The following TVP23C variants were observed in gnomAD, a reference collection of about 807,000 sequenced individuals.
The protein encoded by TVP23C is trans-golgi network vesicle protein 23 homolog C.
TVP23C carries 19 observed loss-of-function variants against 28.7 expected under a neutral mutation model. The ratio of observed to expected loss-of-function variants is 0.66; its 90% CI spans 0.46 to 0.97. The LOEUF (loss-of-function observed/expected upper bound fraction) is 0.97, where lower values mean the gene tolerates loss of function less well. TVP23C is among the 50% of genes least tolerant of loss of function. The pLI is 0.00. For missense variants in TVP23C, 186 were observed against 241.3 expected (o/e 0.77, Z 1.52); for synonymous variants, 68 against 81.7 (o/e 0.83, Z 0.90).
intron 1 of TVP23C, among the ~76,000 whole-genome samples, chr17:15,557,290 GT>G (rs761887271): frequency 7.7e-4 from 96 of 123,894 alleles, no homozygotes; most frequent in African/African-American, 1.4e-3. Flanking sequence ...AGAAGACAAG[GT>G]TTTTTTTTTT....
intron 5 of TVP23C, among the ~76,000 whole-genome samples, chr17:15,512,139 T>C (rs1308711731): frequency 1.3e-5 from 2 of 152,164 alleles, no homozygotes; most frequent in African/African-American, 4.8e-5. Context: ...GAACCACTGA[T>C]TTACATGGTT....
Position 15,538,693 on chromosome 17 carries a change from C to T in TVP23C, c.*1719G>A, listed in dbSNP as rs531315847. On this transcript the variant is annotated 3_prime_UTR_variant, in exon 6 of 6. Coordinates refer to ENST00000518321, the MANE Select transcript of TVP23C (RefSeq NM_001135036.2). ...CAGTTTGTCTCATTTGAGCAGACGC[C>T]GGATACCATGTAAGACACTAACCCT... The T allele has an allele frequency of 2.3e-4, 227 of 985,372 alleles. No individual in the cohort carries two copies. The South Asian group carries it at 3.0e-3, about 13-fold the overall frequency. The allele number at this position is 985,372 out of a possible 1,614,324, so 61.0% of individuals were successfully genotyped here. A position where few individuals can be genotyped will look rare whatever the true frequency, so the allele number is the denominator to read the frequency against.
chr17:15,538,868 A>C lies in TVP23C; in HGVS notation c.*1544T>G, dbSNP rs981722371. ...GTGGACCACAGTAAAGGTATATTGG[A>C]GCCATGCAAAAATCCTTCAGAATGA... On this transcript the variant is annotated 3_prime_UTR_variant, in exon 6 of 6. Coordinates refer to ENST00000518321, the MANE Select transcript of TVP23C (RefSeq NM_001135036.2). 1.0e-6 allele frequency: 1 copy of C among 985,780 alleles called. No individual in the cohort carries two copies. The highest frequency in any genetic ancestry group is 1.7e-5 in the African/African-American group (1 of 57,252). The allele number at this position is 985,780 out of a possible 1,614,324, so 61.1% of individuals were successfully genotyped here. A position where few individuals can be genotyped will look rare whatever the true frequency, so the allele number is the denominator to read the frequency against.
intron 5 of TVP23C, among the ~76,000 whole-genome samples, chr17:15,515,770 G>C (rs1032884842): frequency 6.6e-6 from 1 of 152,060 alleles, no homozygotes; most frequent in Non-Finnish European, 1.5e-5. Flanking sequence ...TTGCAGACCC[G>C]AGCAAGATGA....
chr17:15,547,212 C>T, intron 3 of TVP23C, 64 bp from the exon 4 acceptor site: 1 of 1,610,838 alleles, frequency 6.2e-7, no homozygotes, highest in South Asian at 1.1e-5. Flanking sequence ...GTCACAAGCT[C>T]CTATCTTAGT....
chr17:15,537,638 A>T lies in TVP23C; in HGVS notation c.*2774T>A. On this transcript the variant is annotated 3_prime_UTR_variant, in exon 6 of 6. Transcript: ENST00000518321. Reference sequence around the variant, plus strand: ...CCCATGAAGTACATATTAAAAACTAACAATTATTTCTAACTTATACATAAG... The same window carrying T: ...CCCATGAAGTACATATTAAAAACTATCAATTATTTCTAACTTATACATAAG... The T allele has an allele frequency of 1.0e-6, 1 of 985,544 alleles. No individual in the cohort carries two copies. Among genetic ancestry groups the T allele is most frequent in the Non-Finnish European group, 1.2e-6 (1 of 829,928 alleles). 61.0% of individuals were successfully genotyped at this position (985,544 alleles called of 1,614,324 possible). A position where few individuals can be genotyped will look rare whatever the true frequency, so the allele number is the denominator to read the frequency against.
At chr17:15,549,693 A>AAT (rs1983804761) in intron 3 of TVP23C, among the ~76,000 whole-genome samples, 1 of 151,986 alleles carries the variant, frequency 6.6e-6, no homozygotes, top group African/African-American at 2.4e-5. Flanking sequence ...AAAAAAAAAA[A>AAT]GATTTGAGAT....
intron 5 of TVP23C, among the ~76,000 whole-genome samples, chr17:15,517,836 T>C (rs1030357310): frequency 6.6e-6 from 1 of 152,142 alleles, no homozygotes; most frequent in Non-Finnish European, 1.5e-5. Context: ...GCCCATTCTC[T>C]TCCCACTGCA....
intron 5 of TVP23C, among the ~76,000 whole-genome samples, chr17:15,510,687 T>C (rs1298341718): frequency 2.0e-5 from 3 of 152,330 alleles, no homozygotes; most frequent in Non-Finnish European, 4.4e-5. Flanking sequence ...TCTAGCAACA[T>C]GTCAGTGCTT....
chr17:15,539,150 C>T lies in TVP23C; in HGVS notation c.*1262G>A, dbSNP rs1485509191. On this transcript the variant is annotated 3_prime_UTR_variant, in exon 6 of 6. Transcript: ENST00000518321. ...CTTGGGAGAAATGCAAATTATGAGACTCCACCCCCAGATCTACTGAATAAG... is the reference window on the plus strand; with the variant it reads ...CTTGGGAGAAATGCAAATTATGAGATTCCACCCCCAGATCTACTGAATAAG... The T allele has an allele frequency of 1.5e-5, 14 of 948,132 alleles. No homozygotes were observed. Among genetic ancestry groups the T allele is most frequent in the Non-Finnish European group, 1.8e-5 (14 of 796,248 alleles). The allele number at this position is 948,132 out of a possible 1,614,324, so 58.7% of individuals were successfully genotyped here. A position where few individuals can be genotyped will look rare whatever the true frequency, so the allele number is the denominator to read the frequency against.
chr17:15,503,352 C>T (rs1981575365), intron 5 of TVP23C: 1 of 1,241,206 alleles, frequency 8.1e-7, no homozygotes, highest in South Asian at 1.6e-5. Context: ...CTGCAATGAG[C>T]TGTGACCACG....
At chr17:15,545,480 T>A (rs1219499284) in intron 5 of TVP23C, among the ~76,000 whole-genome samples, 1 of 152,296 alleles carries the variant, frequency 6.6e-6, no homozygotes, top group African/African-American at 2.4e-5. Flanking sequence ...CTGTTGTTGC[T>A]CTAAGCCACT....
chr17:15,555,912 G>A (rs1280014846), intron 1 of TVP23C, among the ~76,000 whole-genome samples: 3 of 151,924 alleles, frequency 2.0e-5, no homozygotes, highest in African/African-American at 2.4e-5. Context: ...TCTATCTATT[G>A]GATCTTTCTT....
chr17:15,515,352 C>A (rs1225006460), intron 5 of TVP23C, among the ~76,000 whole-genome samples: 1 of 152,132 alleles, frequency 6.6e-6, no homozygotes, highest in East Asian at 1.9e-4. Flanking sequence ...GTGTAGGAAT[C>A]CTCATGTAAG....
intron 1 of TVP23C, among the ~76,000 whole-genome samples, chr17:15,556,781 T>C (rs1048342762): frequency 2.0e-5 from 3 of 152,092 alleles, no homozygotes; most frequent in Non-Finnish European, 4.4e-5. Flanking sequence ...TCCCTCTCTA[T>C]TCCAGCCTCT....
chr17:15,503,882 G>A (rs557694622), intron 5 of TVP23C, among the ~76,000 whole-genome samples: 1 of 152,248 alleles, frequency 6.6e-6, no homozygotes, highest in South Asian at 2.1e-4. Flanking sequence ...GGTTCTAGGA[G>A]GAGTGGGTGT....
At chr17:15,510,356 A>T (rs1981946981) in intron 5 of TVP23C, among the ~76,000 whole-genome samples, 1 of 152,208 alleles carries the variant, frequency 6.6e-6, no homozygotes, top group African/African-American at 2.4e-5. Context: ...TCAACACAAG[A>T]CGTACAAGCG....
rs768658941 is a variant in TVP23C at position 15,553,638 on chromosome 17, C to A, written c.240+47G>T. ...AAAATGCTGTCATATTTTTATACAT[C>A]ATTTTCATATTAAATATAATTTTAA... On this transcript the variant is annotated intron_variant, in intron 3 of 5. Transcript: ENST00000518321. The A allele has an allele frequency of 1.0e-5, 16 of 1,548,830 alleles. No individual in the cohort carries two copies. The South Asian group carries it at 1.5e-4, about 15-fold the overall frequency.
intron 5 of TVP23C, among the ~76,000 whole-genome samples, chr17:15,527,989 T>G (rs879006381): frequency 5.3e-5 from 8 of 152,244 alleles, no homozygotes; most frequent in African/African-American, 1.7e-4. Context: ...TCAGTAAACA[T>G]TAGTGGTATC....
Sources: allele counts gnomAD v4.1 joint callset (sites outside exome capture counted in the v4.1 genomes callset), GRCh38; gene constraint gnomAD v4.1.1; transcripts MANE v1.5; gene names NCBI Gene and HGNC (gene_info 2026-07-23, HGNC 2026-07-21).